Variants in IDO2 observed in about 807,000 individuals in gnomAD.
IDO2 encodes indoleamine 2,3-dioxygenase-like 1 protein.
IDO2 carries 46 observed loss-of-function variants against 45.1 expected under a neutral mutation model. That is an observed-to-expected ratio of 1.02 (90% confidence interval 0.80 to 1.30). The LOEUF is 1.30. Among genes scored for constraint, IDO2 ranks in the 50% most tolerant of loss-of-function variants. IDO2 has a pLI of 0.00. For missense variants in IDO2, 544 were observed against 491.8 expected (o/e 1.11, Z -1.00); for synonymous variants, 218 against 184.9 (o/e 1.18, Z -1.45).
At chr8:39,996,389 G>T (rs939554920) in intron 8 of IDO2, among the ~76,000 whole-genome samples, 2 of 152,232 alleles carry the variant, frequency 1.3e-5, no homozygotes, top group Non-Finnish European at 2.9e-5. Flanking sequence ...CTCCGCCTCA[G>T]CTGCCAAACA....
chr8:39,998,528 C>T (rs1354859703), intron 8 of IDO2: 1 of 151,908 alleles, frequency 6.6e-6, no homozygotes, highest in Non-Finnish European at 1.5e-5. Flanking sequence ...CATGTCTGAT[C>T]AGCTGTTTGG....
intron 1 of IDO2, among the ~76,000 whole-genome samples, chr8:39,947,787 CTT>C (rs34173446): frequency 1.5e-3 from 208 of 137,390 alleles, no homozygotes; most frequent in Non-Finnish European, 1.8e-3. Context: ...AGTGCTATTT[CTT>C]TTTTTTTTTT....
intron 8 of IDO2, chr8:39,995,245 C>CTTCTTCTT (rs1563438285): frequency 3.6e-4 from 25 of 68,798 alleles, no homozygotes; most frequent in African/African-American, 1.1e-3. Flanking sequence ...TTCTCCTTCT[C>CTTCTTCTT]CTTCTCCTTC....
At chr8:39,960,160 C>T (rs572747770) in intron 2 of IDO2, among the ~76,000 whole-genome samples, 1 of 152,282 alleles carries the variant, frequency 6.6e-6, no homozygotes, top group East Asian at 1.9e-4. Context: ...TCCCTGGGTT[C>T]TCATGGACCT....
intron 8 of IDO2, among the ~76,000 whole-genome samples, chr8:39,998,896 G>A (rs1415304855): frequency 6.6e-6 from 1 of 151,846 alleles, no homozygotes; most frequent in Non-Finnish European, 1.5e-5. Flanking sequence ...ACCTTCCTCA[G>A]CCTCCCAAAG....
chr8:39,981,469 G>T (rs1231369972), intron 4 of IDO2, among the ~76,000 whole-genome samples: 3 of 152,054 alleles, frequency 2.0e-5, no homozygotes, highest in African/African-American at 7.2e-5. Context: ...ATTGGGGTTT[G>T]GGGGAGAGAA....
chr8:39,941,383 G>A (rs558593357), intron 1 of IDO2, among the ~76,000 whole-genome samples: 4 of 152,158 alleles, frequency 2.6e-5, no homozygotes, highest in Non-Finnish European at 4.4e-5. Context: ...CCAAATACCA[G>A]TTGTTTCAGG....
intron 1 of IDO2, among the ~76,000 whole-genome samples, chr8:39,943,533 C>T (rs1374966156): frequency 1.3e-5 from 2 of 151,726 alleles, no homozygotes; most frequent in Admixed American, 6.6e-5. Flanking sequence ...GTCAGGAGAT[C>T]GAGACCATCC....
At chr8:39,958,579 T>C (rs1807939130) in intron 2 of IDO2, among the ~76,000 whole-genome samples, 1 of 152,184 alleles carries the variant, frequency 6.6e-6, no homozygotes. Context: ...GTATTTTTAG[T>C]AGCTGAGATT....
intron 2 of IDO2, among the ~76,000 whole-genome samples, chr8:39,954,783 A>G (rs1807865957): frequency 1.3e-5 from 2 of 150,656 alleles, no homozygotes; most frequent in Admixed American, 6.7e-5. Context: ...AGTCTCCTGA[A>G]TAGCTGGTAT....
intron 6 of IDO2, among the ~76,000 whole-genome samples, chr8:39,986,720 G>A (rs993035343): frequency 3.2e-5 from 4 of 126,000 alleles, no homozygotes; most frequent in Non-Finnish European, 5.3e-5. Flanking sequence ...ATAGATAGAC[G>A]GAATTTGGCC....
At chr8:40,009,381 A>G (rs1585422132) in intron 9 of IDO2, among the ~76,000 whole-genome samples, 1 of 151,888 alleles carries the variant, frequency 6.6e-6, no homozygotes, top group Non-Finnish European at 1.5e-5. Flanking sequence ...TAGATGACAC[A>G]TATTCATTCC....
At position 39,963,708 on chromosome 8, in the gene IDO2, T is replaced by G. The variant is rs778720089; in HGVS notation, c.195+5T>G. 3.8e-5 allele frequency: 59 copies of G among 1,557,522 alleles called. No homozygotes were observed. The highest frequency in any genetic ancestry group is 4.7e-5 in the Non-Finnish European group (53 of 1,132,876). The stretch of plus-strand genomic sequence containing the variant: ...CTTCAAGCTCATGTGGACAAGGTAT[T>G]CTTCTCTTCACCCCCTCATCACATT... On this transcript the variant is annotated splice_donor_5th_base_variant and intron_variant, in intron 3 of 10. Transcript: ENST00000502986.
chr8:39,976,843 C>T (rs542629192), intron 3 of IDO2, among the ~76,000 whole-genome samples: 58 of 152,166 alleles, frequency 3.8e-4, no homozygotes, highest in African/African-American at 1.3e-3. Context: ...GTTTTTAGTC[C>T]GATATTATTT....
chr8:40,002,094 C>T (rs1435928340), intron 8 of IDO2, among the ~76,000 whole-genome samples: 1 of 152,134 alleles, frequency 6.6e-6, no homozygotes. Flanking sequence ...CCCATAAATA[C>T]ATTTTTATGT....
exon 2 of IDO2, chr8:39,949,155 CA>C: frequency 6.2e-7 from 1 of 1,602,076 alleles, no homozygotes; most frequent in Non-Finnish European, 8.5e-7. Context: ...GCAGATACTT[CA>C]AACAAAATAA....
At chr8:39,942,855 T>C (rs981883518) in intron 1 of IDO2, among the ~76,000 whole-genome samples, 3 of 152,122 alleles carry the variant, frequency 2.0e-5, no homozygotes, top group African/African-American at 7.2e-5. Flanking sequence ...TTGTATAATA[T>C]TACAGGAAAT....
At chr8:39,990,674 C>T (rs573141437) in intron 8 of IDO2, among the ~76,000 whole-genome samples, 2 of 152,186 alleles carry the variant, frequency 1.3e-5, no homozygotes, top group Non-Finnish European at 1.5e-5. Context: ...AAACCTTTGT[C>T]TTCCTTTATC....
At chr8:39,973,663 T>C (rs1452909481) in intron 3 of IDO2, among the ~76,000 whole-genome samples, 2 of 152,128 alleles carry the variant, frequency 1.3e-5, no homozygotes, top group African/African-American at 4.8e-5. Context: ...AAACTCCATA[T>C]TTCTTTTTAA....
Sources: allele counts gnomAD v4.1 joint callset (sites outside exome capture counted in the v4.1 genomes callset), GRCh38; gene constraint gnomAD v4.1.1; transcripts MANE v1.5; gene names NCBI Gene and HGNC (gene_info 2026-07-23, HGNC 2026-07-21).